The following RETREG1 variants were observed in gnomAD, a reference collection of about 807,000 sequenced individuals.
RETREG1 encodes the protein reticulophagy regulator 1.
In RETREG1, 44 loss-of-function variants were observed where a neutral mutation model predicts 54.8. The ratio of observed to expected loss-of-function variants is 0.80; its 90% CI spans 0.63 to 1.03. The LOEUF is 1.03. Among genes scored for constraint, RETREG1 ranks in the 50% least tolerant of loss-of-function variants. The pLI is 0.00. For missense variants in RETREG1, 554 were observed against 605.1 expected, an observed-to-expected ratio of 0.92 and a Z score of 0.89; for synonymous variants, 217 against 238.5, an observed-to-expected ratio of 0.91 and a Z score of 0.83.
chr5:16,481,152 A>G, intron 4 of RETREG1, 59 bp from the exon 5 acceptor site: 2 of 1,147,192 alleles, frequency 1.7e-6, no homozygotes, highest in East Asian at 2.3e-5. Context: ...ATTTCGGAGC[A>G]CAGGATACAC....
intron 1 of RETREG1, among the ~76,000 whole-genome samples, chr5:16,592,914 G>A (rs1409055943): frequency 2.6e-5 from 4 of 152,110 alleles, no homozygotes; most frequent in Non-Finnish European, 2.9e-5. Flanking sequence ...TGGGAGGAAA[G>A]AGAAGAGCAG....
At chr5:16,602,909 G>A (rs959219653) in intron 1 of RETREG1, among the ~76,000 whole-genome samples, 1 of 152,200 alleles carries the variant, frequency 6.6e-6, no homozygotes, top group African/African-American at 2.4e-5. Flanking sequence ...TCGGGAGGCT[G>A]AGGCAGGAAA....
intron 3 of RETREG1, among the ~76,000 whole-genome samples, chr5:16,498,324 A>G (rs1400357260): frequency 1.3e-5 from 2 of 152,232 alleles, no homozygotes; most frequent in East Asian, 3.8e-4. Flanking sequence ...ACAGCACTCT[A>G]CTGTACTGAA....
chr5:16,553,027 C>T (rs892495454), intron 3 of RETREG1, among the ~76,000 whole-genome samples: 2 of 152,160 alleles, frequency 1.3e-5, no homozygotes, highest in Admixed American at 6.5e-5. Context: ...GTGTCACAGC[C>T]CTTGTATTGG....
At position 16,481,002 on chromosome 5, in the gene RETREG1, T is replaced by C; in HGVS notation, c.670+7A>G. On this transcript the variant is annotated splice_region_variant and intron_variant, in intron 5 of 8. Coordinates refer to ENST00000306320, the MANE Select transcript of RETREG1 (RefSeq NM_001034850.3). ...CAACACTTAGCCATATGTTCTACTA[T>C]ACTTACACAGTAGATAGCTGAGTAT... 6.3e-7 allele frequency: 1 copy of C among 1,596,788 alleles called. No individual in the cohort carries two copies. Among genetic ancestry groups the C allele is most frequent in the Non-Finnish European group, 8.6e-7 (1 of 1,164,756 alleles).
At chr5:16,563,957 TTC>T (rs758271223) in intron 3 of RETREG1, among the ~76,000 whole-genome samples, 6 of 152,196 alleles carry the variant, frequency 3.9e-5, no homozygotes, top group Non-Finnish European at 4.4e-5. Context: ...TATCTTAAAT[TTC>T]TGTTTCCAAT....
At chr5:16,481,702 A>C (rs1354123592) in intron 4 of RETREG1, among the ~76,000 whole-genome samples, 2 of 152,086 alleles carry the variant, frequency 1.3e-5, no homozygotes, top group African/African-American at 4.8e-5. Context: ...CTAGAAAAAA[A>C]CTGCCATTGA....
At chr5:16,562,740 A>T (rs189813226) in intron 3 of RETREG1, among the ~76,000 whole-genome samples, 1 of 152,344 alleles carries the variant, frequency 6.6e-6, no homozygotes, top group Non-Finnish European at 1.5e-5. Context: ...TGACTAGTAC[A>T]CCTCAAAACT....
chr5:16,496,409 C>A (rs555633606), intron 3 of RETREG1, among the ~76,000 whole-genome samples: 1 of 152,296 alleles, frequency 6.6e-6, no homozygotes, highest in East Asian at 1.9e-4. Flanking sequence ...CTTGCCCCAT[C>A]CACATTGCCA....
At chr5:16,556,028 A>C (rs1741695643) in intron 3 of RETREG1, among the ~76,000 whole-genome samples, 1 of 152,220 alleles carries the variant, frequency 6.6e-6, no homozygotes, top group Non-Finnish European at 1.5e-5. Context: ...AGGATCTGCT[A>C]ACTAATCAAA....
rs332811 is a variant in RETREG1, at chr5:16,508,565, A to G, written c.459-25093T>C. 951,034 of 1,608,890 alleles carry G rather than the reference A, an allele frequency of 0.59. 285,871 individuals are homozygous for G. Among genetic ancestry groups the G allele is most frequent in the Non-Finnish European group, 0.62 (726,592 of 1,175,402 alleles). On this transcript the variant is annotated intron_variant, in intron 3 of 8. Transcript: ENST00000306320. ...GACTGAAGAATAAGTACGTACGTATATATCACAATTACCTTTTGCCTGGTC... is the reference window on the plus strand; with the variant it reads ...GACTGAAGAATAAGTACGTACGTATGTATCACAATTACCTTTTGCCTGGTC...
intron 3 of RETREG1, among the ~76,000 whole-genome samples, chr5:16,509,732 C>A (rs1579627877): frequency 1.3e-5 from 2 of 152,110 alleles, no homozygotes; most frequent in East Asian, 3.8e-4. Context: ...TGCTGTGGCT[C>A]ACGCCTGTAA....
At chr5:16,525,978 GAGGCTC>G (rs1012860469) in intron 3 of RETREG1, among the ~76,000 whole-genome samples, 2 of 152,206 alleles carry the variant, frequency 1.3e-5, no homozygotes, top group Admixed American at 1.3e-4. Flanking sequence ...TTAATTGGAT[GAGGCTC>G]ATTCACACTG....
chr5:16,601,282 C>T (rs573967783), intron 1 of RETREG1, among the ~76,000 whole-genome samples: 2 of 105,824 alleles, frequency 1.9e-5, no homozygotes, highest in Non-Finnish European at 4.3e-5. Flanking sequence ...GTGGGAGGAT[C>T]GCTTAAGCTA....
At chr5:16,546,881 ACTCT>A (rs1206767960) in intron 3 of RETREG1, among the ~76,000 whole-genome samples, 1 of 152,084 alleles carries the variant, frequency 6.6e-6, no homozygotes, top group African/African-American at 2.4e-5. Flanking sequence ...GGTGGCACAG[ACTCT>A]CTCTTTATGT....
chr5:16,480,896 C>A, intron 5 of RETREG1, 113 bp downstream of exon 5: 1 of 730,594 alleles, frequency 1.4e-6, no homozygotes, highest in Non-Finnish European at 2.5e-6. Context: ...AAAGAATAAT[C>A]AACTTGTATT....
In RETREG1 at chr5:16,593,273, G is replaced by A. The variant is rs1297366425; in HGVS notation, c.321-21171C>T. Reference sequence around the variant, plus strand: ...AGAGCACGCCTTCTGACTCCCACTTGTATGCTGGTTTGCTTGGCCATTTGT... The same window carrying A: ...AGAGCACGCCTTCTGACTCCCACTTATATGCTGGTTTGCTTGGCCATTTGT... On this transcript the variant is annotated intron_variant, in intron 1 of 8. Coordinates refer to ENST00000306320, the MANE Select transcript of RETREG1 (RefSeq NM_001034850.3). The surrounding 1 kb of genome is among the most constrained non-coding windows in gnomAD (Gnocchi z 4.9). Among the ~76,000 whole-genome samples, 3 of 152,066 alleles carry A rather than the reference G, an allele frequency of 2.0e-5. No homozygotes were observed. Among genetic ancestry groups the A allele is most frequent in the Non-Finnish European group, 4.4e-5 (3 of 68,024 alleles).
At chr5:16,566,516 A>G (rs1032374245) in intron 2 of RETREG1, among the ~76,000 whole-genome samples, 1 of 152,220 alleles carries the variant, frequency 6.6e-6, no homozygotes, top group Non-Finnish European at 1.5e-5. Flanking sequence ...AATGATCATG[A>G]GGAAGCTTCC....
chr5:16,557,177 C>T (rs1741733976), intron 3 of RETREG1, among the ~76,000 whole-genome samples: 1 of 152,170 alleles, frequency 6.6e-6, no homozygotes, highest in South Asian at 2.1e-4. Context: ...CCTGAAGATC[C>T]ACGTCAATTT....
Sources: allele counts gnomAD v4.1 joint callset (sites outside exome capture counted in the v4.1 genomes callset), GRCh38; gene constraint gnomAD v4.1.1; non-coding constraint Gnocchi (gnomAD v3.1); transcripts MANE v1.5; gene names NCBI Gene and HGNC (gene_info 2026-07-23, HGNC 2026-07-21).